LUZP1: variants seen among roughly 807,000 people sequenced by gnomAD.
The protein encoded by LUZP1 is filamin mechanobinding actin cross-linking protein.
LUZP1 carries 25 observed loss-of-function variants against 71.3 expected under a neutral mutation model. The ratio of observed to expected loss-of-function variants is 0.35; its 90% CI spans 0.26 to 0.49. LUZP1 has a LOEUF of 0.49. Among genes scored for constraint, LUZP1 ranks in the 20% least tolerant of loss-of-function variants. The pLI is 0.99. For missense variants in LUZP1, 1,142 were observed against 1,300.8 expected (o/e 0.88, Z 1.88); for synonymous variants, 481 against 506.4 (o/e 0.95, Z 0.67).
At chr1:23,160,455 C>A (rs1356534230) in intron 2 of LUZP1, among the ~76,000 whole-genome samples, 1 of 152,162 alleles carries the variant, frequency 6.6e-6, no homozygotes, top group African/African-American at 2.4e-5. Context: ...TAATTCTACA[C>A]CAGTGACAAG....
At chr1:23,117,454 C>CCTCTCT (rs1185318512) in intron 2 of LUZP1, among the ~76,000 whole-genome samples, 32 of 13,360 alleles carry the variant, frequency 2.4e-3, no homozygotes, top group East Asian at 7.9e-3. Context: ...TTTTTTTTTT[C>CCTCTCT]CTCTCTCTCT....
chr1:23,113,386 G>A (rs1214052196), intron 2 of LUZP1, among the ~76,000 whole-genome samples: 1 of 151,712 alleles, frequency 6.6e-6, no homozygotes, highest in East Asian at 2.0e-4. Context: ...CAGCCTGGGC[G>A]ACTGAGTGAA....
exon 5 of LUZP1, chr1:23,086,309 C>G (rs1569848220): frequency 1.3e-5 from 2 of 152,644 alleles, no homozygotes. Flanking sequence ...TAAAATCTAT[C>G]TAGAAAGTGT....
intron 2 of LUZP1, among the ~76,000 whole-genome samples, chr1:23,117,492 A>G (rs59527217): frequency 4.7e-5 from 1 of 21,504 alleles, no homozygotes; most frequent in Non-Finnish European, 8.2e-5. Flanking sequence ...CCCCCCCCCC[A>G]CAATCAGGAA....
chr1:23,114,824 T>C (rs151135388), intron 2 of LUZP1, among the ~76,000 whole-genome samples: 44 of 152,326 alleles, frequency 2.9e-4, no homozygotes, highest in Admixed American at 7.2e-4. Flanking sequence ...CCACAGACAT[T>C]GTTGGACCTC....
intron 2 of LUZP1, among the ~76,000 whole-genome samples, chr1:23,135,395 A>G (rs571985404): frequency 2.4e-4 from 36 of 152,202 alleles, no homozygotes; most frequent in Non-Finnish European, 4.0e-4. Flanking sequence ...TTGTATTCAA[A>G]CCATTTAATC....
At chr1:23,105,573 G>T (rs922585313) in intron 3 of LUZP1, among the ~76,000 whole-genome samples, 7 of 152,158 alleles carry the variant, frequency 4.6e-5, no homozygotes, top group African/African-American at 1.7e-4. Flanking sequence ...GCTTAGACTA[G>T]TACCTGGTCT....
At chr1:23,113,888 A>G (rs1373753464) in intron 2 of LUZP1, among the ~76,000 whole-genome samples, 2 of 150,368 alleles carry the variant, frequency 1.3e-5, no homozygotes, top group Non-Finnish European at 1.5e-5. Flanking sequence ...CAAAAAAAGA[A>G]AAAAAAAAAA....
chr1:23,117,507 TGGGGGG>T (rs1215139251), intron 2 of LUZP1, among the ~76,000 whole-genome samples: 2 of 23,090 alleles, frequency 8.7e-5, no homozygotes, highest in Admixed American at 7.6e-4. Flanking sequence ...CAGGAAGCCC[TGGGGGG>T]GGGGGCGGGG....
intron 2 of LUZP1, among the ~76,000 whole-genome samples, chr1:23,153,662 T>TTTTTGTTTTG (rs370339175): frequency 2.6e-5 from 4 of 152,188 alleles, no homozygotes; most frequent in Non-Finnish European, 5.9e-5. Context: ...CTCTTACCTG[T>TTTTTGTTTTG]TTTTGTTTTG....
At chr1:23,138,308 G>C (rs1014893954) in intron 2 of LUZP1, among the ~76,000 whole-genome samples, 2 of 151,958 alleles carry the variant, frequency 1.3e-5, no homozygotes, top group Non-Finnish European at 2.9e-5. Flanking sequence ...TGGGTTATTA[G>C]CCTTAAAAAA....
At chr1:23,138,663 T>TTGTGTGTGTG (rs550739499) in intron 2 of LUZP1, among the ~76,000 whole-genome samples, 334 of 125,652 alleles carry the variant, frequency 2.7e-3, no homozygotes, top group African/African-American at 6.5e-3. Context: ...GATTATGTGT[T>TTGTGTGTGTG]TGTGTGTGTG....
At chr1:23,110,636 A>G (rs1463616032) in intron 2 of LUZP1, among the ~76,000 whole-genome samples, 6 of 14,942 alleles carry the variant, frequency 4.0e-4, no homozygotes, top group Non-Finnish European at 1.2e-3. Context: ...GCGCACACAT[A>G]CACACACACA....
chr1:23,176,794 A>G (rs910830612), intron 1 of LUZP1, among the ~76,000 whole-genome samples: 2 of 152,180 alleles, frequency 1.3e-5, no homozygotes, highest in Non-Finnish European at 2.9e-5. Flanking sequence ...AAATATTCTC[A>G]AGAGGCTATA....
intron 2 of LUZP1, among the ~76,000 whole-genome samples, chr1:23,156,333 T>A (rs1438133043): frequency 1.3e-5 from 2 of 151,976 alleles, no homozygotes; most frequent in South Asian, 4.2e-4. Flanking sequence ...TGAGCCGAGA[T>A]CATGCCACTG....
chr1:23,084,481 C>T, exon 5 of LUZP1: 1 of 152,118 alleles, frequency 6.6e-6, no homozygotes, highest in East Asian at 1.9e-4. Flanking sequence ...CCTGGATCAT[C>T]TAGGATGTTC....
chr1:23,160,854 TAAG>T (rs1275448179), intron 2 of LUZP1, among the ~76,000 whole-genome samples: 6 of 152,214 alleles, frequency 3.9e-5, no homozygotes, highest in African/African-American at 1.2e-4. Flanking sequence ...TCTGAGAAAA[TAAG>T]AAGCTTTTGA....
intron 2 of LUZP1, among the ~76,000 whole-genome samples, chr1:23,130,408 T>G (rs1318639793): frequency 1.3e-5 from 2 of 152,306 alleles, no homozygotes; most frequent in East Asian, 3.9e-4. Flanking sequence ...TCTTTGTATT[T>G]TTACCTGTAC....
intron 1 of LUZP1, among the ~76,000 whole-genome samples, chr1:23,171,099 A>ATATATATATAT (rs1553143579): frequency 1.4e-5 from 2 of 139,446 alleles, no homozygotes; most frequent in Non-Finnish European, 3.1e-5. Context: ...AAAAAAAAAA[A>ATATATATATAT]ATATATATAT....
Sources: gnomAD v4.1 joint callset for allele counts (sites outside exome capture counted in the v4.1 genomes callset) on GRCh38, gnomAD v4.1.1 for gene constraint, MANE v1.5 for transcripts, NCBI Gene and HGNC (gene_info 2026-07-23, HGNC 2026-07-21) for gene names.